The following ZNF568 variants were observed in gnomAD, a reference collection of about 807,000 sequenced individuals.
The protein encoded by ZNF568 is zinc finger protein 568, also known as p53 inhibitor of SCO2 activation.
In ZNF568, 11 loss-of-function variants were observed where a neutral mutation model predicts 18.1. That is an observed-to-expected ratio of 0.61 (90% confidence interval 0.38 to 1.00). The LOEUF (loss-of-function observed/expected upper bound fraction) is 1.00. Ranked by LOEUF, ZNF568 falls within the 50% of genes least tolerant of loss-of-function variation. The pLI, the probability that ZNF568 is intolerant of heterozygous loss-of-function variation, is 0.01. For synonymous variants in ZNF568, 213 were observed against 246.6 expected (o/e 0.86, Z 1.28); for missense variants, 639 against 768.2 (o/e 0.83, Z 1.99).
rs150647696 is a variant in ZNF568, at chr19:36,918,450, TGTTACAC to T, written c.-186+807_-186+813del. ...ATAATGTAAATGCTGTGTAAATCATTGTTACACGTTATTGTTTAGGGAATAATGAGAA... is the reference window on the plus strand; with the variant it reads ...ATAATGTAAATGCTGTGTAAATCATTGTTATTGTTTAGGGAATAATGAGAA... On this transcript the variant is annotated intron_variant, in intron 2 of 6. Transcript: ENST00000333987. Among the ~76,000 whole-genome samples, 1,029 of 151,936 alleles carry T rather than the reference TGTTACAC, an allele frequency of 6.8e-3. 12 individuals are homozygous for T. The highest frequency in any genetic ancestry group is 0.024 in the African/African-American group (994 of 41,226).
chr19:36,959,436 G>A (rs925662633), intron 6 of ZNF568, among the ~76,000 whole-genome samples: 1 of 151,718 alleles, frequency 6.6e-6, no homozygotes, highest in Non-Finnish European at 1.5e-5. Context: ...GAGGATTTTT[G>A]CATCTACCTT....
intron 2 of ZNF568, among the ~76,000 whole-genome samples, chr19:36,987,775 G>T (rs1223177063): frequency 6.6e-6 from 1 of 151,226 alleles, no homozygotes; most frequent in Non-Finnish European, 1.5e-5. Context: ...AAAGACAAAG[G>T]TTTGTTCATT....
intron 2 of ZNF568, among the ~76,000 whole-genome samples, chr19:36,921,504 T>C (rs2146265946): frequency 6.6e-6 from 1 of 151,626 alleles, no homozygotes; most frequent in Admixed American, 6.6e-5. Context: ...TGAAAAAAAG[T>C]GAGTGTGTGA....
chr19:36,986,438 C>T (rs1310532442), intron 2 of ZNF568, among the ~76,000 whole-genome samples: 2 of 152,176 alleles, frequency 1.3e-5, no homozygotes, highest in Non-Finnish European at 2.9e-5. Context: ...GCCTCAGTGG[C>T]TCAGCTTACC....
chr19:36,977,407 TTTTTG>T (rs140957609), intron 7 of ZNF568, among the ~76,000 whole-genome samples: 82,235 of 151,106 alleles, frequency 0.54, 23,000 homozygotes, highest in African/African-American at 0.65. Context: ...ATTTAAGGTT[TTTTTG>T]TTTTGTTTTG....
chr19:36,931,556 T>C (rs1294332927), intron 4 of ZNF568: 1 of 151,980 alleles, frequency 6.6e-6, no homozygotes, highest in African/African-American at 2.4e-5. Context: ...TTCGTAGAGA[T>C]GGAGTCTCAC....
chr19:36,948,681 T>C (rs2074007193), intron 6 of ZNF568, among the ~76,000 whole-genome samples: 1 of 124,836 alleles, frequency 8.0e-6, no homozygotes, highest in Non-Finnish European at 1.7e-5. Flanking sequence ...TTTTTTTTTT[T>C]TTCAGATTTC....
At position 36,950,645 on chromosome 19, in the gene ZNF568, G is replaced by C. The variant is rs749464430; in HGVS notation, c.1492G>C (p.Gly498Arg). ...NLIRHQRIHT[G>R]EKPYACTVCG... ...CATTCGACACCAGAGAATTCATACGGGTGAGAAACCCTATGCATGTACAGT... is the reference window on the plus strand; with the variant it reads ...CATTCGACACCAGAGAATTCATACGCGTGAGAAACCCTATGCATGTACAGT... The change falls in exon 7 of 7, where the codon GGT becomes CGT. Residue 498 changes from glycine (G) to arginine (R), a missense_variant. Physicochemically the swap from Gly to Arg is moderately radical, Grantham distance 125. Coordinates refer to ENST00000333987, the MANE Select transcript of ZNF568 (RefSeq NM_198539.4). 1 of 1,613,886 alleles carries C rather than the reference G, an allele frequency of 6.2e-7. No individual in the cohort carries two copies. Among genetic ancestry groups the C allele is most frequent in the Non-Finnish European group, 8.5e-7 (1 of 1,179,908 alleles).
chr19:36,928,755 T>C (rs1184917495), intron 4 of ZNF568, among the ~76,000 whole-genome samples: 1 of 152,082 alleles, frequency 6.6e-6, no homozygotes. Context: ...GGAAGAATGA[T>C]GCTCAGACTA....
At chr19:36,939,678 T>C (rs2073849153) in intron 6 of ZNF568, among the ~76,000 whole-genome samples, 1 of 151,662 alleles carries the variant, frequency 6.6e-6, no homozygotes, top group South Asian at 2.1e-4. Context: ...TAGCTGGGAC[T>C]ACAGGCACGC....
At position 36,951,520 on chromosome 19, in the gene ZNF568, G is replaced by T. The variant is rs2074059191; in HGVS notation, c.*432G>T. 2 of 153,126 alleles carry T rather than the reference G, an allele frequency of 1.3e-5. No individual in the cohort carries two copies. The allele number at this position is 153,126 out of a possible 1,614,324, so 9.5% of individuals were successfully genotyped here. A position where few individuals can be genotyped will look rare whatever the true frequency, so the allele number is the denominator to read the frequency against. ...ATAGAATATCCAGAAGCAGATTCAT[G>T]AATATATGTGAACTCAGTGTATGTT... On this transcript the variant is annotated 3_prime_UTR_variant, in exon 7 of 7. Coordinates refer to ENST00000333987, the MANE Select transcript of ZNF568 (RefSeq NM_198539.4).
intron 4 of ZNF568, among the ~76,000 whole-genome samples, chr19:36,931,908 T>C (rs113829543): frequency 0.017 from 2,590 of 152,170 alleles, 34 homozygotes; most frequent in African/African-American, 0.036. Flanking sequence ...CTTAAGGCTC[T>C]GATGTAGGCA....
At chr19:36,997,664 G>A (rs773721550), downstream of ZNF568, 3 of 1,168,596 alleles carry the variant, frequency 2.6e-6, no homozygotes, top group Middle Eastern at 1.9e-4. Context: ...GCCTTCATTC[G>A]GGCCTCACAC....
intron 7 of ZNF568, among the ~76,000 whole-genome samples, chr19:36,977,659 C>A (rs945644280): frequency 6.6e-6 from 1 of 152,190 alleles, no homozygotes; most frequent in Non-Finnish European, 1.5e-5. Context: ...ACACCCTCCC[C>A]GTCCATGCCC....
At chr19:36,954,394 T>G (rs1267493859), downstream of ZNF568, among the ~76,000 whole-genome samples, 1 of 152,174 alleles carries the variant, frequency 6.6e-6, no homozygotes, top group Non-Finnish European at 1.5e-5. Flanking sequence ...TTGATTGTTA[T>G]TAGGTATTTT....
At chr19:36,982,765 G>A (rs183149119), downstream of ZNF568, among the ~76,000 whole-genome samples, 4 of 152,214 alleles carry the variant, frequency 2.6e-5, no homozygotes, top group South Asian at 2.1e-4. Context: ...ATCTGTTAAC[G>A]TGCCTAATAA....
downstream of ZNF568, among the ~76,000 whole-genome samples, chr19:36,955,592 T>G (rs2074102060): frequency 1.3e-5 from 2 of 152,198 alleles, no homozygotes; most frequent in Admixed American, 6.6e-5. Flanking sequence ...AAAAAAATCA[T>G]TAATTAAATC....
intron 4 of ZNF568, among the ~76,000 whole-genome samples, chr19:36,928,539 C>A (rs145868372): frequency 1.1e-4 from 17 of 152,054 alleles, no homozygotes; most frequent in Admixed American, 9.8e-4. Flanking sequence ...GCTACTACTA[C>A]GATTTTGTAT....
chr19:36,940,517 T>A (rs2073862797), intron 6 of ZNF568, among the ~76,000 whole-genome samples: 2 of 152,348 alleles, frequency 1.3e-5, no homozygotes, highest in South Asian at 4.1e-4. Context: ...AAATGAGTCA[T>A]GATTGATGTA....
Sources: allele counts gnomAD v4.1 joint callset (sites outside exome capture counted in the v4.1 genomes callset), GRCh38; gene constraint gnomAD v4.1.1; transcripts MANE v1.5; gene names NCBI Gene and HGNC (gene_info 2026-07-23, HGNC 2026-07-21).